CELSR1: variants seen among roughly 807,000 people sequenced by gnomAD.
The protein encoded by CELSR1 is adhesion G protein-coupled receptor C1.
A neutral mutation model predicts 249.1 loss-of-function variants in CELSR1; 110 were observed. The observed-to-expected ratio is 0.44, with a 90% CI of 0.38 to 0.52. CELSR1 has a LOEUF of 0.52. CELSR1 is among the 20% of genes least tolerant of loss of function. CELSR1 has a pLI of 0.00. For missense variants in CELSR1, 4,109 were observed against 4,296.4 expected (o/e 0.96, Z 1.22); for synonymous variants, 2,113 against 1,900.0 (o/e 1.11, Z -2.92).
chr22:46,443,607 A>G (rs1191703692), intron 2 of CELSR1, among the ~76,000 whole-genome samples: 1 of 152,204 alleles, frequency 6.6e-6, no homozygotes, highest in East Asian at 1.9e-4. Context: ...AACCTTCCAC[A>G]TGTATTCACA....
rs145523452 is a variant in CELSR1, at chr22:46,526,665, T to A, written c.3544+6962A>T. ...CCTCAGCCTCCAGGGCCTGCACCCG[T>A]GGGCCCTCCCCTGCACGTGGTTATT... On this transcript the variant is annotated intron_variant, in intron 1 of 34. Transcript: ENST00000674500. This position sits in a 1 kb window ranked among gnomAD's most constrained non-coding sequence, Gnocchi z 4.7. 3.2e-4 allele frequency among the ~76,000 whole-genome samples: 48 copies of A among 152,232 alleles called. 1 individual carries two copies. In the East Asian group the frequency reaches 8.5e-3, roughly 27 times the overall value.
At chr22:46,415,971 G>A (rs764623301) in intron 5 of CELSR1, among the ~76,000 whole-genome samples, 27 of 152,220 alleles carry the variant, frequency 1.8e-4, no homozygotes, top group Non-Finnish European at 3.4e-4. Flanking sequence ...ACGAGGCGGC[G>A]GCAGAGAAAA....
intron 1 of CELSR1, among the ~76,000 whole-genome samples, chr22:46,507,350 G>A (rs1020792067): frequency 2.6e-5 from 4 of 152,050 alleles, no homozygotes; most frequent in Admixed American, 1.3e-4. Flanking sequence ...TAGCCAGGGA[G>A]CTACTGGACT....
Position 46,526,120 on chromosome 22 carries a change from G to A in CELSR1, c.3544+7507C>T, listed in dbSNP as rs770876817. On this transcript the variant is annotated intron_variant, in intron 1 of 34. Transcript: ENST00000674500. This position sits in a 1 kb window ranked among gnomAD's most constrained non-coding sequence, Gnocchi z 4.7. Reference sequence around the variant, plus strand: ...CCCTGCCCTGGTGAGTCCATGTCCCGTGGACCTGTGGCCCCTTCCATTCTC... The same window carrying A: ...CCCTGCCCTGGTGAGTCCATGTCCCATGGACCTGTGGCCCCTTCCATTCTC... 1.3e-4 allele frequency among the ~76,000 whole-genome samples: 20 copies of A among 152,198 alleles called. No homozygotes were observed. The highest frequency in any genetic ancestry group is 2.6e-4 in the Non-Finnish European group (18 of 68,040).
intron 2 of CELSR1, among the ~76,000 whole-genome samples, chr22:46,462,490 A>T (rs909102430): frequency 2.0e-5 from 3 of 152,200 alleles, no homozygotes; most frequent in Non-Finnish European, 2.9e-5. Context: ...AACCCTTGTT[A>T]TAAGCTCGAT....
Position 46,445,732 on chromosome 22 carries a change from G to GC in CELSR1, c.4184-6322dup, listed in dbSNP as rs1164562468. Among the ~76,000 whole-genome samples the GC allele has an allele frequency of 2.6e-5, 4 of 152,208 alleles. No homozygotes were observed. Among genetic ancestry groups the GC allele is most frequent in the Non-Finnish European group, 5.9e-5 (4 of 68,036 alleles). ...ACATTCTAGCCTCTGCAAACCCGGT[G>GC]CCCCGAGAGCAGCAGCGCCTGGCTG... is the stretch of plus-strand genomic sequence containing the variant. On this transcript the variant is annotated intron_variant, in intron 2 of 34. Coordinates refer to ENST00000674500, the MANE Select transcript of CELSR1 (RefSeq NM_001378328.1). This position sits in a 1 kb window ranked among gnomAD's most constrained non-coding sequence, Gnocchi z 4.4.
rs1426885813 is a variant in CELSR1, at chr22:46,441,008, C to T, written c.4184-1597G>A. On this transcript the variant is annotated intron_variant, in intron 2 of 34. Transcript: ENST00000674500. This position sits in a 1 kb window ranked among gnomAD's most constrained non-coding sequence, Gnocchi z 6.1. ...TCTCTACTAAAAATACAAAAATTAG[C>T]CAGGCGTGGTGGCGGGTGCCTGTAA... Among the ~76,000 whole-genome samples the T allele has an allele frequency of 6.6e-6, 1 of 152,056 alleles. No homozygotes were observed. The highest frequency in any genetic ancestry group is 1.9e-4 in the East Asian group (1 of 5,180).
At chr22:46,467,761 G>T (rs1352578356) in intron 1 of CELSR1, among the ~76,000 whole-genome samples, 1 of 152,080 alleles carries the variant, frequency 6.6e-6, no homozygotes, top group Non-Finnish European at 1.5e-5. Context: ...GGCAGAGCTT[G>T]CAGTGAGCCG....
At chr22:46,365,465 T>C (rs1171747477) in intron 31 of CELSR1, 85 bp from the exon 32 acceptor site, 44 of 1,571,092 alleles carry the variant, frequency 2.8e-5, no homozygotes, top group Non-Finnish European at 3.8e-5. Flanking sequence ...ACTGGGCCCC[T>C]GGCATGCTGA....
At chr22:46,364,381 A>G in intron 33 of CELSR1, 130 bp from the exon 34 acceptor site, 1 of 1,499,826 alleles carries the variant, frequency 6.7e-7, no homozygotes, top group Non-Finnish European at 8.9e-7. Flanking sequence ...GGGCTAGGCC[A>G]GGAGGCCACG....
intron 18 of CELSR1, 79 bp from the exon 19 acceptor site, chr22:46,386,664 C>T: frequency 8.2e-7 from 1 of 1,213,762 alleles, no homozygotes. Flanking sequence ...CCCTGAAAGC[C>T]TTTGCTTGCC....
At chr22:46,389,687 G>A (rs765363114) in intron 17 of CELSR1, among the ~76,000 whole-genome samples, 188 bp from the exon 18 acceptor site, 2 of 152,216 alleles carry the variant, frequency 1.3e-5, no homozygotes, top group African/African-American at 4.8e-5. Flanking sequence ...AGGCCAAGGC[G>A]GGTAGATCAT....
rs751030850 is a variant in CELSR1 at position 46,464,393 on chromosome 22, C to A, written c.3545-48G>T. On this transcript the variant is annotated intron_variant, in intron 1 of 34. Transcript: ENST00000674500. The surrounding 1 kb of genome is among the most constrained non-coding windows in gnomAD (Gnocchi z 8.5). Reference sequence around the variant, plus strand: ...GGTCATTCAGATGCTGCGGGAGTCACAGGTCCTATAGGCCCCATCCCAGGA... The same window carrying A: ...GGTCATTCAGATGCTGCGGGAGTCAAAGGTCCTATAGGCCCCATCCCAGGA... 6.4e-7 allele frequency: 1 copy of A among 1,573,798 alleles called. No homozygotes were observed. The highest frequency in any genetic ancestry group is 8.6e-7 in the Non-Finnish European group (1 of 1,160,352).
intron 1 of CELSR1, among the ~76,000 whole-genome samples, chr22:46,496,921 A>G (rs181471803): frequency 3.6e-4 from 55 of 152,324 alleles, no homozygotes; most frequent in Non-Finnish European, 2.4e-4. Flanking sequence ...TAGTACAGTA[A>G]ATACATACAG....
In CELSR1 at chr22:46,476,026, G is replaced by A. The variant is rs539043058; in HGVS notation, c.3545-11681C>T. ...GCCTAAAGAAGTTGTGGGCTGAGACGTTGAGCAAGTGCATTCTTGTCAGGA... is the reference window on the plus strand; with the variant it reads ...GCCTAAAGAAGTTGTGGGCTGAGACATTGAGCAAGTGCATTCTTGTCAGGA... On this transcript the variant is annotated intron_variant, in intron 1 of 34. Coordinates refer to ENST00000674500, the MANE Select transcript of CELSR1 (RefSeq NM_001378328.1). Among the ~76,000 whole-genome samples, 33 of 152,244 alleles carry A rather than the reference G, an allele frequency of 2.2e-4. No homozygotes were observed. In the South Asian group the frequency reaches 4.8e-3, roughly 22 times the overall value.
Position 46,428,394 on chromosome 22 carries a change from T to C in CELSR1, c.4611+4999A>G, listed in dbSNP as rs528263449. On this transcript the variant is annotated intron_variant, in intron 5 of 34. Coordinates refer to ENST00000674500, the MANE Select transcript of CELSR1 (RefSeq NM_001378328.1). The surrounding 1 kb of genome is among the most constrained non-coding windows in gnomAD (Gnocchi z 5.7). ...CCCCGGCCAGGTGACGGATGCCGAG[T>C]GCCCCTTGGAGACCACCTGCTGCCC... 4.6e-5 allele frequency among the ~76,000 whole-genome samples: 7 copies of C among 152,170 alleles called. No individual in the cohort carries two copies. The highest frequency in any genetic ancestry group is 4.6e-4 in the Admixed American group (7 of 15,288).
In CELSR1 at chr22:46,470,450, C is replaced by T. The variant is rs545531389; in HGVS notation, c.3545-6105G>A. On this transcript the variant is annotated intron_variant, in intron 1 of 34. Coordinates refer to ENST00000674500, the MANE Select transcript of CELSR1 (RefSeq NM_001378328.1). Reference sequence around the variant, plus strand: ...GAAGGCACAGCACAGAGAAACACCCCGGAACAAGGACCCATATTCTAGGGA... The same window carrying T: ...GAAGGCACAGCACAGAGAAACACCCTGGAACAAGGACCCATATTCTAGGGA... Among the ~76,000 whole-genome samples the T allele has an allele frequency of 7.9e-5, 12 of 151,836 alleles. No homozygotes were observed. The South Asian group carries it at 1.0e-3, about 13-fold the overall frequency.
Position 46,402,586 on chromosome 22 carries a change from T to C in CELSR1, c.5227-2684A>G, listed in dbSNP as rs982065036. On this transcript the variant is annotated intron_variant, in intron 9 of 34. Transcript: ENST00000674500. This position sits in a 1 kb window ranked among gnomAD's most constrained non-coding sequence, Gnocchi z 5.0. ...TAGCACTCAATAAAAAATAGCCAAG[T>C]ATACGAGGATATAAGGTAATATGCT... is the stretch of plus-strand genomic sequence containing the variant. Among the ~76,000 whole-genome samples the C allele has an allele frequency of 1.3e-5, 2 of 152,190 alleles. No homozygotes were observed. Among genetic ancestry groups the C allele is most frequent in the African/African-American group, 4.8e-5 (2 of 41,444 alleles).
intron 1 of CELSR1, among the ~76,000 whole-genome samples, chr22:46,533,023 A>G (rs967619121): frequency 6.6e-6 from 1 of 152,212 alleles, no homozygotes; most frequent in Non-Finnish European, 1.5e-5. Flanking sequence ...GCCCGCATCC[A>G]GGAGCAGAAG....
Sources: gnomAD v4.1 joint callset for allele counts (sites outside exome capture counted in the v4.1 genomes callset) on GRCh38, gnomAD v4.1.1 for gene constraint, Gnocchi (gnomAD v3.1) non-coding constraint, MANE v1.5 for transcripts, NCBI Gene and HGNC (gene_info 2026-07-23, HGNC 2026-07-21) for gene names.